Variants in DCTN4 observed in about 807,000 individuals in gnomAD.
DCTN4 encodes dynactin 4 (p62).
A neutral mutation model predicts 62.7 loss-of-function variants in DCTN4; 23 were observed. The observed-to-expected ratio is 0.37, with a 90% CI of 0.26 to 0.52. DCTN4 has a LOEUF of 0.52. DCTN4 is among the 20% of genes least tolerant of loss of function. The pLI, the probability that DCTN4 is intolerant of heterozygous loss-of-function variation, is 0.92. For missense variants in DCTN4, 514 were observed against 580.4 expected (o/e 0.89, Z 1.18); for synonymous variants, 199 against 202.1 (o/e 0.98, Z 0.13).
At position 150,738,392 on chromosome 5, in the gene DCTN4, C is replaced by T. The variant is rs116071020; in HGVS notation, c.429+3722G>A. Among the ~76,000 whole-genome samples, 1,143 of 152,252 alleles carry T rather than the reference C, an allele frequency of 7.5e-3. 14 individuals are homozygous for T. Among genetic ancestry groups the T allele is most frequent in the African/African-American group, 0.026 (1,083 of 41,544 alleles). On this transcript the variant is annotated intron_variant, in intron 4 of 12. Coordinates refer to ENST00000447998, the MANE Select transcript of DCTN4 (RefSeq NM_016221.4). ...CGAAATACTAGTTAACTGGATCCAA[C>T]AGCATATCATAAAGATAATACACCA...
At chr5:150,758,009 C>T in intron 1 of DCTN4, 3 of 907,642 alleles carry the variant, frequency 3.3e-6, no homozygotes, top group Non-Finnish European at 4.0e-6. Flanking sequence ...TTACATAAAG[C>T]ACATGACATA....
In DCTN4 at chr5:150,753,753, CA is replaced by C. The variant is rs1752760900; in HGVS notation, c.207-97del. ...AGGACAAGTGTCTCTCAAGAAAAAA[CA>C]GTAACATTCTGCAGGCCTCTTACCA... On this transcript the variant is annotated intron_variant, in intron 2 of 12. Transcript: ENST00000447998. 3 of 1,280,938 alleles carry C rather than the reference CA, an allele frequency of 2.3e-6. No individual in the cohort carries two copies. In the East Asian group the frequency reaches 7.4e-5, roughly 32 times the overall value. The allele number at this position is 1,280,938 out of a possible 1,614,324, so 79.3% of individuals were successfully genotyped here.
At chr5:150,756,341 T>TGG (rs1752862373) in intron 2 of DCTN4, 76 bp downstream of exon 2, 1 of 1,054,796 alleles carries the variant, frequency 9.5e-7, no homozygotes, top group African/African-American at 1.6e-5. Flanking sequence ...GCCTGGCCCA[T>TGG]GTGTCTTTTT....
At chr5:150,742,291 A>G in intron 3 of DCTN4, 134 bp from the exon 4 acceptor site, 2 of 851,884 alleles carry the variant, frequency 2.3e-6, no homozygotes, top group South Asian at 1.5e-5. Flanking sequence ...ATATAACTAT[A>G]GACTATAATG....
At chr5:150,711,493 T>C (rs369337621) in intron 12 of DCTN4, 131 bp from the exon 13 acceptor site, 1 of 725,730 alleles carries the variant, frequency 1.4e-6, no homozygotes. Flanking sequence ...ACTTTGTTCT[T>C]AACCTACCAA....
intron 10 of DCTN4, 80 bp from the exon 11 acceptor site, chr5:150,718,463 C>A (rs112432994): frequency 2.3e-6 from 2 of 874,712 alleles, no homozygotes. Context: ...AATTACCATC[C>A]CCGCCATTAC....
chr5:150,715,448 T>C, intron 12 of DCTN4, 117 bp downstream of exon 12: 1 of 742,208 alleles, frequency 1.3e-6, no homozygotes, highest in African/African-American at 1.8e-5. Context: ...ACAATAATTA[T>C]TTTTAGAAAC....
intron 3 of DCTN4, among the ~76,000 whole-genome samples, chr5:150,753,270 T>G (rs1393131027): frequency 3.3e-5 from 5 of 152,244 alleles, no homozygotes; most frequent in Admixed American, 2.6e-4. Flanking sequence ...AAAGCTATTT[T>G]ATCAAGTCTA....
chr5:150,750,515 C>T (rs1752635296), intron 3 of DCTN4, among the ~76,000 whole-genome samples: 1 of 152,132 alleles, frequency 6.6e-6, no homozygotes, highest in African/African-American at 2.4e-5. Flanking sequence ...TTGCTTCCAG[C>T]AGCTATATTT....
intron 8 of DCTN4, among the ~76,000 whole-genome samples, chr5:150,724,743 G>C (rs907057088): frequency 6.6e-6 from 1 of 152,024 alleles, no homozygotes; most frequent in African/African-American, 2.4e-5. Flanking sequence ...TCATATGCAT[G>C]GGTCTACGTC....
chr5:150,722,626 AATG>A (rs1181367189), intron 9 of DCTN4, among the ~76,000 whole-genome samples: 2 of 152,204 alleles, frequency 1.3e-5, no homozygotes, highest in Admixed American at 1.3e-4. Context: ...TATAATTTGT[AATG>A]ATGACTAGTG....
intron 7 of DCTN4, 31 bp from the exon 8 acceptor site, chr5:150,730,771 T>C (rs1325496149): frequency 3.2e-6 from 5 of 1,581,226 alleles, no homozygotes; most frequent in African/African-American, 1.3e-5. Flanking sequence ...CAGGCTTAGT[T>C]TACAGTGACT....
chr5:150,758,880 C>A lies in DCTN4; in HGVS notation c.114G>T (p.Ser38=). 1 of 1,614,080 alleles carries A rather than the reference C, an allele frequency of 6.2e-7. No homozygotes were observed. The change falls in exon 1 of 13, where the codon TCG becomes TCT. Residue 38 remains serine (S), a synonymous_variant. Transcript: ENST00000447998. ...TTACCTCGTGAGACACACATTCCAG[C>A]GACCGCAGTTCGCTACAATAGCGGC... ...YFCRYCSELR[S]LECVSHEVDS...
chr5:150,744,669 A>C (rs1760895598), intron 3 of DCTN4, among the ~76,000 whole-genome samples: 1 of 151,798 alleles, frequency 6.6e-6, no homozygotes, highest in Admixed American at 6.6e-5. Flanking sequence ...TTCAACCCAG[A>C]ATTTCATATC....
chr5:150,715,622 T>A lies in DCTN4; in HGVS notation c.1112A>T (p.Asp371Val). ...PPKELVLAGK[D>V]AAAEYDELAE... ...CAACTCATCGTACTCTGCTGCTGCA[T>A]CCTTGCCAGCTAAAACGAGCTCTTT... The change falls in exon 12 of 13, where the codon GAT becomes GTT. Residue 371 changes from aspartate to valine, a missense_variant. Physicochemically the swap from Asp to Val is radical, Grantham distance 152. Coordinates refer to ENST00000447998, the MANE Select transcript of DCTN4 (RefSeq NM_016221.4). 6.2e-7 allele frequency: 1 copy of A among 1,614,184 alleles called. No homozygotes were observed. The highest frequency in any genetic ancestry group is 8.5e-7 in the Non-Finnish European group (1 of 1,180,028).
At position 150,718,381 on chromosome 5, in the gene DCTN4, C is replaced by G; in HGVS notation, c.966G>C (p.Glu322Asp). The G allele has an allele frequency of 6.2e-7, 1 of 1,610,522 alleles. No individual in the cohort carries two copies. The highest frequency in any genetic ancestry group is 1.1e-5 in the South Asian group (1 of 90,970). Residue 322 changes from glutamate (E) to aspartate (D), a missense_variant and splice_region_variant, in exon 11 of 13, where the codon GAG becomes GAC. Physicochemically the swap from Glu to Asp is conservative, Grantham distance 45. Transcript: ENST00000447998. ...MSIPNLRYMK[E>D]SQVLLTLTNP... ...TTGTAAGAGTCAGGAGGACCTGGCTCTCCTGGTGAATAGGAAACACATCTC... is the reference window on the plus strand; with the variant it reads ...TTGTAAGAGTCAGGAGGACCTGGCTGTCCTGGTGAATAGGAAACACATCTC...
At chr5:150,756,519 AGAG>A (rs766790370) in intron 1 of DCTN4, 32 bp from the exon 2 acceptor site, 10 of 1,412,394 alleles carry the variant, frequency 7.1e-6, no homozygotes, top group South Asian at 6.3e-5. Flanking sequence ...AAAAAAAACC[AGAG>A]GAGAACTCAG....
chr5:150,716,763 CA>C lies in DCTN4; in HGVS notation c.1072-1102del, dbSNP rs1440460591. Among the ~76,000 whole-genome samples, 15 of 152,006 alleles carry C rather than the reference CA, an allele frequency of 9.9e-5. No individual in the cohort carries two copies. The East Asian group carries it at 2.1e-3, about 22-fold the overall frequency. ...TGAAACCCCGTCTCTACTAAAACTGCAAAAAATTAGCCGGGCGTGGTGGCAG... is the reference window on the plus strand; with the variant it reads ...TGAAACCCCGTCTCTACTAAAACTGCAAAAATTAGCCGGGCGTGGTGGCAG... On this transcript the variant is annotated intron_variant, in intron 11 of 12. Coordinates refer to ENST00000447998, the MANE Select transcript of DCTN4 (RefSeq NM_016221.4).
intron 3 of DCTN4, among the ~76,000 whole-genome samples, chr5:150,753,164 C>T (rs1023304818): frequency 3.3e-5 from 5 of 152,188 alleles, no homozygotes; most frequent in African/African-American, 1.2e-4. Context: ...CGTGCCCGGC[C>T]TTATCTTTTA....
Sources: allele counts gnomAD v4.1 joint callset (sites outside exome capture counted in the v4.1 genomes callset), GRCh38; gene constraint gnomAD v4.1.1; transcripts MANE v1.5; gene names NCBI Gene and HGNC (gene_info 2026-07-23, HGNC 2026-07-21).